MYH10: variants seen among roughly 807,000 people sequenced by gnomAD.
MYH10 encodes the protein myosin heavy chain 10.
A neutral mutation model predicts 257.8 loss-of-function variants in MYH10; 55 were observed. That is an observed-to-expected ratio of 0.21 (90% CI 0.17 to 0.27). MYH10 has a LOEUF of 0.27. Ranked by LOEUF, MYH10 falls within the 10% of genes least tolerant of loss-of-function variation. The pLI is 1.00. For synonymous variants in MYH10, 854 were observed against 921.7 expected, an observed-to-expected ratio of 0.93 and a Z score of 1.33; for missense variants, 1,631 against 2,500.6, an observed-to-expected ratio of 0.65 and a Z score of 7.42.
chr17:8,593,511 C>T (rs186472202), intron 3 of MYH10, among the ~76,000 whole-genome samples: 1 of 152,102 alleles, frequency 6.6e-6, no homozygotes, highest in African/African-American at 2.4e-5. Context: ...TTTAAATATC[C>T]TATTTCTATA....
chr17:8,550,278 G>A (rs2082586363), intron 9 of MYH10, among the ~76,000 whole-genome samples: 1 of 151,970 alleles, frequency 6.6e-6, no homozygotes, highest in Admixed American at 6.5e-5. Context: ...CATCTAGGAA[G>A]TGAGGAGCGT....
intron 2 of MYH10, among the ~76,000 whole-genome samples, chr17:8,620,979 T>G (rs898957513): frequency 2.6e-5 from 4 of 152,236 alleles, no homozygotes; most frequent in African/African-American, 9.6e-5. Context: ...GAGATAACTG[T>G]AAAATCTCTG....
intron 37 of MYH10, among the ~76,000 whole-genome samples, chr17:8,482,465 C>G (rs528435832): frequency 6.6e-6 from 1 of 152,326 alleles, no homozygotes; most frequent in African/African-American, 2.4e-5. Flanking sequence ...CGGAATGTTC[C>G]AGGCCTGATC....
At chr17:8,514,835 C>A (rs2081413160) in intron 21 of MYH10, among the ~76,000 whole-genome samples, 1 of 152,174 alleles carries the variant, frequency 6.6e-6, no homozygotes, top group Admixed American at 6.5e-5. Context: ...CAAAGGACTC[C>A]CAGACTCAGA....
intron 17 of MYH10, among the ~76,000 whole-genome samples, chr17:8,522,546 C>T (rs2151906337): frequency 6.6e-6 from 1 of 152,304 alleles, no homozygotes; most frequent in South Asian, 2.1e-4. Context: ...ACCTCAGAGA[C>T]CACCATTCTT....
intron 1 of MYH10, 151 bp from the exon 2 acceptor site, chr17:8,623,428 T>A: frequency 3.2e-6 from 2 of 627,208 alleles, no homozygotes; most frequent in Non-Finnish European, 4.6e-6. Context: ...ACTAACCGAG[T>A]TTCCAAGGTA....
chr17:8,616,598 C>T (rs2152097934), intron 2 of MYH10, among the ~76,000 whole-genome samples: 1 of 151,714 alleles, frequency 6.6e-6, no homozygotes, highest in South Asian at 2.1e-4. Context: ...CTGGCCTCTA[C>T]AAAGAAAACT....
In MYH10 at chr17:8,535,321, C is replaced by T. The variant is rs2082112444; in HGVS notation, c.1894+66G>A. On this transcript the variant is annotated intron_variant, in intron 16 of 42. Transcript: ENST00000360416. The surrounding 1 kb of genome is among the most constrained non-coding windows in gnomAD (Gnocchi z 4.3). The stretch of plus-strand genomic sequence containing the variant: ...TGTATCCATATATATGTAAAAGAAC[C>T]ATCTATAAACCTTAATTATAAAAGA... The T allele has an allele frequency of 2.5e-6, 3 of 1,205,678 alleles. No homozygotes were observed. Among genetic ancestry groups the T allele is most frequent in the Non-Finnish European group, 3.6e-6 (3 of 842,180 alleles). 74.7% of individuals were successfully genotyped at this position (1,205,678 alleles called of 1,614,324 possible).
At chr17:8,542,007 C>T in intron 14 of MYH10, 100 bp downstream of exon 14, 2 of 1,152,676 alleles carry the variant, frequency 1.7e-6, no homozygotes, top group Non-Finnish European at 2.4e-6. Flanking sequence ...AAAATTATTT[C>T]ACCACTGAAC....
intron 27 of MYH10, among the ~76,000 whole-genome samples, chr17:8,505,148 G>C (rs1184578714): frequency 4.6e-5 from 7 of 151,924 alleles, no homozygotes; most frequent in Non-Finnish European, 8.8e-5. Context: ...TCCAGCCCCA[G>C]CCCCCTTTCC....
intron 41 of MYH10, among the ~76,000 whole-genome samples, chr17:8,478,117 A>G (rs1913000541): frequency 6.6e-6 from 1 of 152,214 alleles, no homozygotes; most frequent in African/African-American, 2.4e-5. Flanking sequence ...GGAGCTTTAC[A>G]GTTCAGTCCA....
At chr17:8,619,573 A>G (rs1394575226) in intron 2 of MYH10, among the ~76,000 whole-genome samples, 1 of 152,164 alleles carries the variant, frequency 6.6e-6, no homozygotes, top group Non-Finnish European at 1.5e-5. Flanking sequence ...AGCCAACAAC[A>G]ACAAAAGACA....
At chr17:8,518,980 G>T in intron 19 of MYH10, 30 bp from the exon 20 acceptor site, 1 of 1,536,794 alleles carries the variant, frequency 6.5e-7, no homozygotes, top group Non-Finnish European at 8.9e-7. Flanking sequence ...GAAGTATTTT[G>T]TAGAAATTTG....
chr17:8,551,158 AT>A (rs748552261), intron 9 of MYH10, among the ~76,000 whole-genome samples: 101,832 of 142,964 alleles, frequency 0.71, 36,079 homozygotes, highest in East Asian at 0.86. Flanking sequence ...TAAATAATAA[AT>A]TTAAAAAAAA....
At chr17:8,538,760 C>T (rs185761323) in intron 14 of MYH10, among the ~76,000 whole-genome samples, 137 of 152,254 alleles carry the variant, frequency 9.0e-4, no homozygotes, top group Non-Finnish European at 1.1e-3. Flanking sequence ...ACTCATTGCC[C>T]GTCAGTGTCT....
In MYH10 at chr17:8,545,428, AG is replaced by A; in HGVS notation, c.1431+19del. On this transcript the variant is annotated intron_variant, in intron 13 of 42. Transcript: ENST00000360416. The surrounding 1 kb of genome is among the most constrained non-coding windows in gnomAD (Gnocchi z 4.7). ...ACAAACAAAAAGAAGGACGAGCTAG[AG>A]GAAGAGGGGGAAGAATACCTCAAAA... is the stretch of plus-strand genomic sequence containing the variant. The A allele has an allele frequency of 6.2e-7, 1 of 1,611,944 alleles. No individual in the cohort carries two copies. The highest frequency in any genetic ancestry group is 2.2e-5 in the East Asian group (1 of 44,880).
chr17:8,518,608 T>G, intron 21 of MYH10, 23 bp downstream of exon 21: 1 of 1,604,508 alleles, frequency 6.2e-7, no homozygotes, highest in Non-Finnish European at 8.5e-7. Context: ...CAGTGAACGA[T>G]TAATTCGTGA....
chr17:8,501,258 A>C (rs1375847132), intron 28 of MYH10, among the ~76,000 whole-genome samples: 24 of 152,100 alleles, frequency 1.6e-4, no homozygotes, highest in Admixed American at 1.6e-3. Context: ...GCGCCACTGC[A>C]CGCCAGCCTG....
At chr17:8,476,019 A>C in intron 42 of MYH10, 71 bp from the exon 43 acceptor site, 1 of 1,508,696 alleles carries the variant, frequency 6.6e-7, no homozygotes, top group Non-Finnish European at 8.9e-7. Context: ...ATGTTCAACC[A>C]CTCAATGCCA....
Sources: allele counts gnomAD v4.1 joint callset (sites outside exome capture counted in the v4.1 genomes callset), GRCh38; gene constraint gnomAD v4.1.1; non-coding constraint Gnocchi (gnomAD v3.1); transcripts MANE v1.5; gene names NCBI Gene and HGNC (gene_info 2026-07-23, HGNC 2026-07-21).